EXOC4: variants seen among roughly 807,000 people sequenced by gnomAD.
EXOC4 encodes the protein SEC8-like 1.
A neutral mutation model predicts 107.2 loss-of-function variants in EXOC4; 71 were observed. The ratio of observed to expected loss-of-function variants is 0.66; its 90% CI spans 0.55 to 0.81. The LOEUF is 0.81. Ranked by LOEUF, EXOC4 falls within the 30% of genes least tolerant of loss-of-function variation. The pLI, the probability that EXOC4 is intolerant of heterozygous loss-of-function variation, is 0.00. For synonymous variants in EXOC4, 456 were observed against 441.2 expected, an observed-to-expected ratio of 1.03 and a Z score of -0.42; for missense variants, 1,108 against 1,189.6, an observed-to-expected ratio of 0.93 and a Z score of 1.01.
chr7:133,976,184 A>G (rs1793828532), intron 14 of EXOC4, among the ~76,000 whole-genome samples: 1 of 152,198 alleles, frequency 6.6e-6, no homozygotes, highest in South Asian at 2.1e-4. Context: ...TTAGGCACAA[A>G]GAGAACATCA....
At chr7:133,876,060 A>ATAGG (rs1401196006) in intron 11 of EXOC4, among the ~76,000 whole-genome samples, 1 of 152,188 alleles carries the variant, frequency 6.6e-6, no homozygotes, top group African/African-American at 2.4e-5. Flanking sequence ...GGATTCACAG[A>ATAGG]TAGGTAGGTA....
At chr7:133,304,726 A>T (rs1468615479) in intron 3 of EXOC4, among the ~76,000 whole-genome samples, 1 of 152,132 alleles carries the variant, frequency 6.6e-6, no homozygotes, top group African/African-American at 2.4e-5. Context: ...TTAATTACCT[A>T]TTGTTTTAGT....
intron 10 of EXOC4, among the ~76,000 whole-genome samples, chr7:133,781,899 T>C (rs1415007819): frequency 1.0e-5 from 1 of 98,242 alleles, no homozygotes; most frequent in Non-Finnish European, 2.0e-5. Context: ...ACCTGCCGCA[T>C]AATCAGTGAT....
chr7:133,435,624 G>T (rs936798075), intron 7 of EXOC4, among the ~76,000 whole-genome samples: 27 of 152,088 alleles, frequency 1.8e-4, no homozygotes, highest in African/African-American at 6.0e-4. Context: ...AGTGGTCCAG[G>T]CTGCCAGGTA....
intron 11 of EXOC4, among the ~76,000 whole-genome samples, chr7:133,861,576 C>T (rs556426075): frequency 1.3e-5 from 2 of 152,134 alleles, no homozygotes; most frequent in South Asian, 4.1e-4. Context: ...CCTCTTTCAT[C>T]CAGGCTGGAG....
intron 14 of EXOC4, among the ~76,000 whole-genome samples, chr7:133,944,940 A>G (rs2116761845): frequency 6.6e-6 from 1 of 152,278 alleles, no homozygotes; most frequent in South Asian, 2.1e-4. Context: ...TTCTTCACTA[A>G]AAATAAAGTC....
intron 13 of EXOC4, among the ~76,000 whole-genome samples, chr7:133,931,809 G>C (rs1010589500): frequency 6.6e-6 from 1 of 152,242 alleles, no homozygotes; most frequent in African/African-American, 2.4e-5. Flanking sequence ...ATGTGTTTGT[G>C]TCTTTCTTTT....
chr7:133,709,536 C>G lies in EXOC4; in HGVS notation c.1514+79395C>G, dbSNP rs140656377. The stretch of plus-strand genomic sequence containing the variant: ...TAATCATATTTAATGTGGATTTGGC[C>G]AGACCTCAGACTACATAGCTGGAAG... On this transcript the variant is annotated intron_variant, in intron 10 of 17. Transcript: ENST00000253861. 9.9e-5 allele frequency among the ~76,000 whole-genome samples: 15 copies of G among 152,206 alleles called. No individual in the cohort carries two copies. In the East Asian group the frequency reaches 2.9e-3, roughly 29 times the overall value.
intron 4 of EXOC4, among the ~76,000 whole-genome samples, chr7:133,314,167 T>C (rs1041504500): frequency 3.9e-5 from 6 of 152,130 alleles, no homozygotes; most frequent in Admixed American, 3.9e-4. Flanking sequence ...GGTCTTTTTT[T>C]CTGTTGTGAA....
chr7:133,517,058 A>T (rs1799890545), intron 9 of EXOC4, among the ~76,000 whole-genome samples: 1 of 152,138 alleles, frequency 6.6e-6, no homozygotes. Flanking sequence ...ACTAATTTGG[A>T]CAATGAGAGT....
At chr7:133,523,559 A>G (rs1163451714) in intron 9 of EXOC4, among the ~76,000 whole-genome samples, 1 of 151,856 alleles carries the variant, frequency 6.6e-6, no homozygotes, top group African/African-American at 2.4e-5. Context: ...GTCATCTAGC[A>G]TTAGGTATAT....
intron 3 of EXOC4, among the ~76,000 whole-genome samples, chr7:133,301,774 TAGA>T (rs1364546720): frequency 6.6e-6 from 1 of 152,040 alleles, no homozygotes; most frequent in African/African-American, 2.4e-5. Flanking sequence ...TCACCTCAAC[TAGA>T]AAAATAAAAA....
chr7:133,822,800 C>T (rs540678387), intron 11 of EXOC4, among the ~76,000 whole-genome samples: 1 of 152,342 alleles, frequency 6.6e-6, no homozygotes, highest in South Asian at 2.1e-4. Context: ...ATACTCTTAA[C>T]ATAACGTCGT....
chr7:133,534,010 A>C (rs1031534253), intron 9 of EXOC4, among the ~76,000 whole-genome samples: 4 of 152,182 alleles, frequency 2.6e-5, no homozygotes, highest in Admixed American at 2.6e-4. Flanking sequence ...AAAAGTCCAC[A>C]AGGCATTTGA....
At chr7:134,069,394 C>T (rs1796240581), downstream of EXOC4, among the ~76,000 whole-genome samples, 1 of 146,190 alleles carries the variant, frequency 6.8e-6, no homozygotes, top group Admixed American at 6.9e-5. Flanking sequence ...TCCGCCTCTT[C>T]TCCCCCTACT....
intron 9 of EXOC4, among the ~76,000 whole-genome samples, chr7:133,512,496 G>C (rs966444786): frequency 3.3e-5 from 5 of 152,066 alleles, no homozygotes; most frequent in Non-Finnish European, 7.4e-5. Flanking sequence ...TCTTCTCTGG[G>C]GAGGATCTCT....
At chr7:133,926,214 C>G (rs191434765) in intron 13 of EXOC4, among the ~76,000 whole-genome samples, 1 of 152,144 alleles carries the variant, frequency 6.6e-6, no homozygotes, top group African/African-American at 2.4e-5. Flanking sequence ...AAGTAAATGA[C>G]TTCCCCAAGT....
intron 5 of EXOC4, among the ~76,000 whole-genome samples, chr7:133,338,646 G>T (rs1238284497): frequency 6.6e-6 from 1 of 150,636 alleles, no homozygotes; most frequent in Non-Finnish European, 1.5e-5. Flanking sequence ...TAGTTTTTGG[G>T]GAACAGGTGG....
chr7:133,739,416 G>A (rs1362596203), intron 10 of EXOC4, among the ~76,000 whole-genome samples: 2 of 152,148 alleles, frequency 1.3e-5, no homozygotes, highest in African/African-American at 2.4e-5. Context: ...AAGTCAGGGA[G>A]AGCAGTGACA....
Sources: allele counts gnomAD v4.1 joint callset (sites outside exome capture counted in the v4.1 genomes callset), GRCh38; gene constraint gnomAD v4.1.1; transcripts MANE v1.5; gene names NCBI Gene and HGNC (gene_info 2026-07-23, HGNC 2026-07-21).